The following NLGN3 variants were observed in gnomAD, a reference collection of about 807,000 sequenced individuals.
NLGN3 encodes the protein neuroligin 3, also known as neuroligin-3.
In NLGN3, 11 loss-of-function variants were observed where a neutral mutation model predicts 42.9. That is an observed-to-expected ratio of 0.26 (90% CI 0.16 to 0.42). NLGN3 has a LOEUF of 0.42. NLGN3 is among the 10% of genes least tolerant of loss of function. The probability of loss-of-function intolerance (pLI) is 1.00; values close to 1 mark genes in which losing one functional copy is unlikely to be tolerated. For synonymous variants in NLGN3, 279 were observed against 312.7 expected (o/e 0.89, Z 1.14); for missense variants, 374 against 733.8 (o/e 0.51, Z 5.67).
chrX:71,152,420 C>T (rs1317961089), intron 3 of NLGN3, among the ~76,000 whole-genome samples: 1 of 110,550 alleles, frequency 9.0e-6, no homozygotes, highest in Non-Finnish European at 1.9e-5. Context: ...CCCCTTTCCC[C>T]CACCCCAGAA....
chrX:71,159,963 C>G (rs2503133), intron 5 of NLGN3, among the ~76,000 whole-genome samples: 1 of 93,350 alleles, frequency 1.1e-5, no homozygotes, highest in African/African-American at 4.1e-5. Flanking sequence ...CTCGAACTCC[C>G]GATCTCAGGT....
intron 3 of NLGN3, among the ~76,000 whole-genome samples, chrX:71,151,831 G>A (rs982444591): frequency 8.9e-6 from 1 of 112,211 alleles, no homozygotes; most frequent in Non-Finnish European, 1.9e-5. Flanking sequence ...CGTGTCTGGG[G>A]ATGAGCAATT....
intron 4 of NLGN3, among the ~76,000 whole-genome samples, chrX:71,154,659 C>T (rs994431603): frequency 1.8e-5 from 2 of 112,101 alleles, no homozygotes; most frequent in Non-Finnish European, 3.8e-5. Flanking sequence ...CTATCTCTGC[C>T]ATTCACTCCC....
Position 71,161,387 on chromosome X carries a change from T to TA in NLGN3, c.728-2755dup, listed in dbSNP as rs765645319. Among the ~76,000 whole-genome samples, 3 of 108,852 alleles carry TA rather than the reference T, an allele frequency of 2.8e-5. No homozygotes were observed. In the South Asian group the frequency reaches 1.2e-3, roughly 43 times the overall value. 94.5% of individuals were successfully genotyped at this position (108,852 alleles called of 115,157 possible). Reference sequence around the variant, plus strand: ...CCTTGGCCTCCCAAAGTGCTGGGATTACAGGCATGAGCCACCACGCCTGGC... The same window carrying TA: ...CCTTGGCCTCCCAAAGTGCTGGGATTAACAGGCATGAGCCACCACGCCTGGC... On this transcript the variant is annotated intron_variant, in intron 5 of 7. Transcript: ENST00000358741.
At chrX:71,163,073 G>A (rs778385198) in intron 5 of NLGN3, among the ~76,000 whole-genome samples, 3 of 111,124 alleles carry the variant, frequency 2.7e-5, no homozygotes, top group Middle Eastern at 4.7e-3. Context: ...GAGTAGGGGG[G>A]AATATAGGAC....
rs868135397 is a variant in NLGN3, at chrX:71,169,774, C to T, written c.2224C>T (p.Arg742Trp). 8 of 1,209,419 alleles carry T rather than the reference C, an allele frequency of 6.6e-6. No individual in the cohort carries two copies. The highest frequency in any genetic ancestry group is 1.7e-5 in the African/African-American group (1 of 57,276). The change falls in exon 8 of 8, where the codon CGG becomes TGG. Residue 742 changes from arginine to tryptophan, a missense_variant. Transcript: ENST00000358741. Reference sequence around the variant, plus strand: ...GGACAAACGGCGCCAGGAGCCCCTGCGGCAGCCTAGCCCTCAGCGGGGAGC... The same window carrying T: ...GGACAAACGGCGCCAGGAGCCCCTGTGGCAGCCTAGCCCTCAGCGGGGAGC... The part of the protein sequence containing the change: ...RKDKRRQEPL[R>W]QPSPQRGAGA...
intron 5 of NLGN3, among the ~76,000 whole-genome samples, chrX:71,162,317 A>G (rs775473456): frequency 1.3e-3 from 142 of 111,043 alleles, no homozygotes; most frequent in Non-Finnish European, 2.5e-3. Context: ...ACAAAAAGGG[A>G]CAGGGTCTTG....
At chrX:71,150,177 T>C (rs2147866851) in intron 3 of NLGN3, among the ~76,000 whole-genome samples, 1 of 111,289 alleles carries the variant, frequency 9.0e-6, no homozygotes, top group African/African-American at 3.3e-5. Flanking sequence ...TCACACACCA[T>C]AGGCAATTGA....
rs188618786 is a variant in NLGN3 at position 71,155,410 on chromosome X, G to A, written c.727+47G>A. ...CTGGAAGGAAGACTGGCTTCGCAAG[G>A]GGGGAGGAAAGAATGCTGGAGAATT... On this transcript the variant is annotated intron_variant, in intron 5 of 7. Transcript: ENST00000358741. The A allele has an allele frequency of 2.5e-5, 30 of 1,187,655 alleles. 1 individual carries two copies. The highest frequency in any genetic ancestry group is 4.7e-4 in the Middle Eastern group (2 of 4,235).
chrX:71,160,030 C>G (rs1388378714), intron 5 of NLGN3, among the ~76,000 whole-genome samples: 1 of 104,893 alleles, frequency 9.5e-6, no homozygotes, highest in African/African-American at 3.5e-5. Context: ...GCCACTGCAC[C>G]CGGCGGGGAA....
chrX:71,154,845 A>G (rs1307324420), intron 4 of NLGN3, among the ~76,000 whole-genome samples: 1 of 111,623 alleles, frequency 9.0e-6, no homozygotes, highest in East Asian at 2.8e-4. Context: ...GTCAGGTCCC[A>G]GGACTCCTGG....
Position 71,170,488 on chromosome X carries a change from C to G in NLGN3, c.*391C>G. 1.1e-6 allele frequency: 1 copy of G among 874,249 alleles called. No individual in the cohort carries two copies. Among genetic ancestry groups the G allele is most frequent in the Non-Finnish European group, 1.4e-6 (1 of 714,065 alleles). The allele number at this position is 874,249 out of a possible 1,213,427, so 72.0% of individuals were successfully genotyped here. A position where few individuals can be genotyped will look rare whatever the true frequency, so the allele number is the denominator to read the frequency against. ...CCTCTCTTGGAACTGCACCACCGAC[C>G]AACTCCAGACTTGGGAGCTTTAAAG... On this transcript the variant is annotated 3_prime_UTR_variant, in exon 8 of 8. Coordinates refer to ENST00000358741, the MANE Select transcript of NLGN3 (RefSeq NM_181303.2).
At chrX:71,152,324 GTCTCTTCTTTTT>G (rs1019449407) in intron 3 of NLGN3, among the ~76,000 whole-genome samples, 2 of 110,453 alleles carry the variant, frequency 1.8e-5, no homozygotes, top group Non-Finnish European at 3.8e-5. Context: ...CTCACCTCTA[GTCTCTTCTTTTT>G]TCTCTTCCCC....
At chrX:71,160,031 C>T (rs192149947) in intron 5 of NLGN3, among the ~76,000 whole-genome samples, 2,128 of 104,695 alleles carry the variant, frequency 0.02, 28 homozygotes, top group Non-Finnish European at 0.032. Context: ...CCACTGCACC[C>T]GGCGGGGAAT....
intron 5 of NLGN3, among the ~76,000 whole-genome samples, chrX:71,158,456 C>T (rs186154366): frequency 1.1e-3 from 123 of 112,208 alleles, no homozygotes; most frequent in African/African-American, 3.7e-3. Flanking sequence ...CACATGTACA[C>T]GGTAGTTCAA....
At chrX:71,166,214 T>C (rs2092446522) in intron 6 of NLGN3, among the ~76,000 whole-genome samples, 1 of 110,954 alleles carries the variant, frequency 9.0e-6, no homozygotes, top group African/African-American at 3.3e-5. Context: ...CCCAGTACTT[T>C]GGGAGGCCAA....
downstream of NLGN3, among the ~76,000 whole-genome samples, chrX:71,173,122 T>C (rs773147425): frequency 4.5e-5 from 5 of 110,987 alleles, no homozygotes; most frequent in East Asian, 1.4e-3. Context: ...GTTCCATCCT[T>C]TGATTGCTCC....
intron 5 of NLGN3, among the ~76,000 whole-genome samples, chrX:71,163,256 C>T (rs775271019): frequency 1.8e-5 from 2 of 111,764 alleles, no homozygotes; most frequent in South Asian, 3.8e-4. Context: ...TAACGCACTG[C>T]GCTACTTCCC....
intron 7 of NLGN3, 89 bp downstream of exon 7, chrX:71,167,889 C>T: frequency 1.2e-6 from 1 of 843,151 alleles, no homozygotes; most frequent in Non-Finnish European, 1.8e-6. Flanking sequence ...CATCATATCC[C>T]TTCCTAAGAT....
Sources: allele counts gnomAD v4.1 joint callset (sites outside exome capture counted in the v4.1 genomes callset), GRCh38; gene constraint gnomAD v4.1.1; transcripts MANE v1.5; gene names NCBI Gene and HGNC (gene_info 2026-07-23, HGNC 2026-07-21).